The following ARHGAP32 variants were observed in gnomAD, a reference collection of about 807,000 sequenced individuals.
ARHGAP32 encodes the protein rho GTPase-activating protein 32.
A neutral mutation model predicts 186.5 loss-of-function variants in ARHGAP32; 51 were observed. The ratio of observed to expected loss-of-function variants is 0.27; its 90% CI spans 0.22 to 0.35. ARHGAP32 has a LOEUF of 0.35. ARHGAP32 is among the 10% of genes least tolerant of loss of function. The probability of loss-of-function intolerance (pLI) is 1.00; values close to 1 mark genes in which losing one functional copy is unlikely to be tolerated. For missense variants in ARHGAP32, 2,186 were observed against 2,623.5 expected (o/e 0.83, Z 3.64); for synonymous variants, 950 against 964.3 (o/e 0.99, Z 0.27).
intron 2 of ARHGAP32, 88 bp from the exon 3 acceptor site, chr11:129,124,982 T>C (rs886835278): frequency 2.2e-6 from 2 of 898,686 alleles, no homozygotes; most frequent in African/African-American, 3.4e-5. Context: ...TTAATAGTTC[T>C]GCTGACTTTT....
At chr11:129,124,347 C>T (rs934155918) in intron 3 of ARHGAP32, among the ~76,000 whole-genome samples, 6 of 152,142 alleles carry the variant, frequency 3.9e-5, no homozygotes, top group African/African-American at 9.7e-5. Context: ...AAAAGTTTCA[C>T]ATTTTGGAGC....
intron 11 of ARHGAP32, among the ~76,000 whole-genome samples, chr11:128,999,089 C>A (rs1946279047): frequency 6.6e-6 from 1 of 152,164 alleles, no homozygotes. Flanking sequence ...GCCTGTGGGG[C>A]CGGGCAGAAC....
chr11:128,978,630 G>T, intron 19 of ARHGAP32, 140 bp downstream of exon 19: 1 of 648,214 alleles, frequency 1.5e-6, no homozygotes, highest in Non-Finnish European at 2.3e-6. Context: ...TAAAGAATCG[G>T]TGAGAGAAGA....
chr11:129,262,429 A>G (rs1945335535), intron 1 of ARHGAP32, among the ~76,000 whole-genome samples: 1 of 151,536 alleles, frequency 6.6e-6, no homozygotes, highest in African/African-American at 2.4e-5. Flanking sequence ...TGTCGCTCAG[A>G]CTATAGTGCA....
chr11:129,063,974 G>A lies in ARHGAP32; in HGVS notation c.813C>T (p.Asn271=), dbSNP rs1195622652. The A allele has an allele frequency of 2.5e-6, 4 of 1,612,430 alleles. No individual in the cohort carries two copies. The highest frequency in any genetic ancestry group is 1.7e-4 in the Middle Eastern group (1 of 6,056). ...CATGGGCAGCACCGACAGCAGGAGT[G>A]TTGATGGATGACTCCTCATGAACCA... ...HLLVHEESSI[N]TPAVGAAHVI... The change falls in exon 9 of 23, where the codon AAC becomes AAT. Residue 271 remains asparagine (N), a synonymous_variant. Coordinates refer to ENST00000682385, the MANE Select transcript of ARHGAP32 (RefSeq NM_001378024.1).
At chr11:129,047,046 T>C (rs1416355136) in intron 10 of ARHGAP32, among the ~76,000 whole-genome samples, 3 of 151,058 alleles carry the variant, frequency 2.0e-5, no homozygotes, top group Non-Finnish European at 2.9e-5. Flanking sequence ...GAGAATGGTG[T>C]GAACCCAGGA....
At chr11:129,216,976 T>G (rs944926957) in intron 1 of ARHGAP32, among the ~76,000 whole-genome samples, 9 of 152,132 alleles carry the variant, frequency 5.9e-5, no homozygotes, top group Admixed American at 4.6e-4. Flanking sequence ...AAATAAGGTG[T>G]GCTCTGTTTA....
At chr11:128,999,790 A>T (rs553649378) in intron 11 of ARHGAP32, among the ~76,000 whole-genome samples, 8 of 152,344 alleles carry the variant, frequency 5.3e-5, no homozygotes, top group Non-Finnish European at 1.0e-4. Flanking sequence ...GCAAATTTAA[A>T]TGTTGTAACC....
At chr11:129,038,379 A>T (rs1939442342) in intron 11 of ARHGAP32, among the ~76,000 whole-genome samples, 1 of 152,002 alleles carries the variant, frequency 6.6e-6, no homozygotes, top group Admixed American at 6.5e-5. Flanking sequence ...TCAGAAGAAA[A>T]CACAGGAGTA....
At chr11:129,164,285 T>C (rs1278826316) in intron 2 of ARHGAP32, 34 bp downstream of exon 2, 4 of 1,186,376 alleles carry the variant, frequency 3.4e-6, no homozygotes, top group African/African-American at 1.5e-5. Context: ...TACATATATA[T>C]GTATATATGA....
intron 1 of ARHGAP32, among the ~76,000 whole-genome samples, chr11:129,271,246 C>T (rs916393557): frequency 6.6e-6 from 1 of 151,956 alleles, no homozygotes; most frequent in African/African-American, 2.4e-5. Context: ...TGCCAGACGA[C>T]AAAGCCTACT....
chr11:128,976,078 C>CATATATAT (rs71472082), intron 20 of ARHGAP32, among the ~76,000 whole-genome samples: 23 of 145,840 alleles, frequency 1.6e-4, no homozygotes, highest in African/African-American at 4.6e-4. Context: ...CTCTGTCTAA[C>CATATATAT]ATATATATAT....
At chr11:129,139,979 T>C (rs1260517426) in intron 2 of ARHGAP32, among the ~76,000 whole-genome samples, 1 of 152,176 alleles carries the variant, frequency 6.6e-6, no homozygotes, top group East Asian at 1.9e-4. Flanking sequence ...CTGCTGAGAA[T>C]AGAGGGTGCA....
intron 1 of ARHGAP32, among the ~76,000 whole-genome samples, chr11:129,204,091 G>T (rs1342276589): frequency 2.6e-4 from 39 of 149,982 alleles, no homozygotes; most frequent in Admixed American, 2.6e-3. Flanking sequence ...TATTTCCTGA[G>T]TTAAAAATTT....
intron 1 of ARHGAP32, among the ~76,000 whole-genome samples, chr11:129,265,869 G>A (rs1039741543): frequency 6.6e-6 from 1 of 152,090 alleles, no homozygotes; most frequent in Non-Finnish European, 1.5e-5. Flanking sequence ...CATTACTGTA[G>A]TAACTAAATA....
At chr11:129,085,855 G>A (rs779827754) in intron 6 of ARHGAP32, among the ~76,000 whole-genome samples, 13 of 151,846 alleles carry the variant, frequency 8.6e-5, no homozygotes, top group Non-Finnish European at 1.5e-4. Flanking sequence ...TTAGCCAGGC[G>A]TGGTGGCGGG....
rs1386471854 is a variant in ARHGAP32 at position 128,970,272 on chromosome 11, A to G, written c.4941T>C (p.His1647=). 5.6e-6 allele frequency: 9 copies of G among 1,614,062 alleles called. No homozygotes were observed. In the East Asian group the frequency reaches 1.3e-4, roughly 24 times the overall value. ...YQSSQARSDY[H]VTQLQPYFEN... ...CAAAGTAAGGCTGAAGCTGAGTGAC[A>G]TGATAATCTGAGCGGGCCTGGGAGG... The change falls in exon 23 of 23, where the codon CAT becomes CAC. Residue 1647 remains histidine, a synonymous_variant. Transcript: ENST00000682385. The surrounding 1 kb of genome is among the most constrained non-coding windows in gnomAD (Gnocchi z 5.8).
intron 11 of ARHGAP32, among the ~76,000 whole-genome samples, chr11:129,016,791 G>C (rs538646908): frequency 6.6e-6 from 1 of 152,292 alleles, no homozygotes; most frequent in Non-Finnish European, 1.5e-5. Context: ...CTGAATTATA[G>C]ATTATTTTGG....
intron 1 of ARHGAP32, among the ~76,000 whole-genome samples, chr11:129,222,904 TC>T (rs1031165078): frequency 6.6e-6 from 1 of 152,150 alleles, no homozygotes; most frequent in Admixed American, 6.5e-5. Flanking sequence ...TATTGCAGTA[TC>T]CCCTTGACTA....
Sources: gnomAD v4.1 joint callset for allele counts (sites outside exome capture counted in the v4.1 genomes callset) on GRCh38, gnomAD v4.1.1 for gene constraint, Gnocchi (gnomAD v3.1) non-coding constraint, MANE v1.5 for transcripts, NCBI Gene and HGNC (gene_info 2026-07-23, HGNC 2026-07-21) for gene names.